The following LRRC43 variants were observed in gnomAD, a reference collection of about 807,000 sequenced individuals.
LRRC43 encodes the protein leucine-rich repeat-containing protein 43.
In LRRC43, 62 loss-of-function variants were observed where a neutral mutation model predicts 64.3. The observed-to-expected ratio is 0.96, with a 90% CI of 0.79 to 1.19. LRRC43 has a LOEUF of 1.19. LRRC43 is among the 50% of genes most tolerant of loss of function. The pLI is 0.00. For synonymous variants in LRRC43, 422 were observed against 382.3 expected, an observed-to-expected ratio of 1.10 and a Z score of -1.21; for missense variants, 868 against 845.0, an observed-to-expected ratio of 1.03 and a Z score of -0.34.
In LRRC43 at chr12:122,200,968, T is replaced by G. The variant is rs1247123662; in HGVS notation, c.1809+34T>G. The G allele has an allele frequency of 1.9e-6, 3 of 1,549,242 alleles. No homozygotes were observed. The highest frequency in any genetic ancestry group is 2.6e-6 in the Non-Finnish European group (3 of 1,149,632). On this transcript the variant is annotated intron_variant, in intron 10 of 11. Transcript: ENST00000339777. The surrounding 1 kb of genome is among the most constrained non-coding windows in gnomAD (Gnocchi z 4.6). ...GGGCCCTAGCCACATCCTCCACCTC[T>G]GCCTTCGCCCTCCCCATGGGAACCC...
chr12:122,182,713 A>T (rs1326854981), upstream of LRRC43, among the ~76,000 whole-genome samples: 1 of 152,048 alleles, frequency 6.6e-6, no homozygotes, highest in Non-Finnish European at 1.5e-5. Flanking sequence ...AATAAATAAA[A>T]AATTTAAAAA....
At position 122,195,251 on chromosome 12, in the gene LRRC43, A is replaced by G. The variant is rs576683794; in HGVS notation, c.1349+2247A>G. ...TTTTCTTTTCCCCTGCTACCCCAGA[A>G]CATTTTTTTTTTTTTGAGAGGGAGT... is the stretch of plus-strand genomic sequence containing the variant. On this transcript the variant is annotated intron_variant, in intron 7 of 11. Coordinates refer to ENST00000339777, the MANE Select transcript of LRRC43 (RefSeq NM_001098519.2). Among the ~76,000 whole-genome samples the G allele has an allele frequency of 4.0e-5, 6 of 151,336 alleles. No individual in the cohort carries two copies. The South Asian group carries it at 1.3e-3, about 32-fold the overall frequency.
At chr12:122,196,516 C>G (rs1953774152) in intron 7 of LRRC43, among the ~76,000 whole-genome samples, 1 of 152,148 alleles carries the variant, frequency 6.6e-6, no homozygotes, top group Admixed American at 6.6e-5. Flanking sequence ...GCCTGTAATC[C>G]CAGCAGTTTG....
Position 122,191,456 on chromosome 12 carries a change from C to G in LRRC43, c.978C>G (p.Asp326Glu), listed in dbSNP as rs1378728255. Reference protein sequence around the residue: ...IRGVLDTSVLDPEPRPEGPFI... With the variant: ...IRGVLDTSVLEPEPRPEGPFI... Reference sequence around the variant, plus strand: ...GAGTCCTGGACACCTCTGTCTTAGACCCGGAACCCAGGCCCGAAGGCCCTT... The same window carrying G: ...GAGTCCTGGACACCTCTGTCTTAGAGCCGGAACCCAGGCCCGAAGGCCCTT... The change falls in exon 6 of 12, where the codon GAC becomes GAG. Residue 326 changes from aspartate (D) to glutamate (E), a missense_variant. Asp to Glu is a conservative substitution (Grantham distance 45). Transcript: ENST00000339777. The G allele has an allele frequency of 6.2e-7, 1 of 1,614,126 alleles. No homozygotes were observed. Among genetic ancestry groups the G allele is most frequent in the African/African-American group, 1.3e-5 (1 of 75,030 alleles).
intron 1 of LRRC43, among the ~76,000 whole-genome samples, chr12:122,176,530 GT>G (rs1387877891): frequency 6.7e-6 from 1 of 150,052 alleles, no homozygotes; most frequent in East Asian, 1.9e-4. Context: ...TTTGTCTTTT[GT>G]TTTGTTTTTT....
chr12:122,184,894 G>C lies in LRRC43; in HGVS notation c.411+115G>C, dbSNP rs574275977. 2.8e-5 allele frequency: 34 copies of C among 1,196,692 alleles called. No individual in the cohort carries two copies. The South Asian group carries it at 3.1e-4, about 11-fold the overall frequency. 74.1% of individuals were successfully genotyped at this position (1,196,692 alleles called of 1,614,324 possible). A position where few individuals can be genotyped will look rare whatever the true frequency, so the allele number is the denominator to read the frequency against. ...GGGATCCTGCTTTCAGGGCTGAAAC[G>C]AAGGCCAGCCTGCCCTCCATCTGCT... On this transcript the variant is annotated intron_variant, in intron 2 of 11. Coordinates refer to ENST00000339777, the MANE Select transcript of LRRC43 (RefSeq NM_001098519.2). The surrounding 1 kb of genome is among the most constrained non-coding windows in gnomAD (Gnocchi z 4.0).
intron 2 of LRRC43, among the ~76,000 whole-genome samples, chr12:122,185,009 C>T (rs1218143627): frequency 1.3e-5 from 2 of 152,226 alleles, no homozygotes; most frequent in Non-Finnish European, 2.9e-5. Context: ...CATCATGGCA[C>T]AGCTTCCACC....
At chr12:122,169,715 CAAAAAA>C (rs1156784202) in intron 1 of LRRC43, among the ~76,000 whole-genome samples, 5 of 49,424 alleles carry the variant, frequency 1.0e-4, no homozygotes, top group Non-Finnish European at 2.2e-4. Context: ...GACTCCGTCT[CAAAAAA>C]AAAAAAAAAA....
Position 122,200,156 on chromosome 12 carries a change from C to CG in LRRC43, c.1350-31dup. On this transcript the variant is annotated intron_variant, in intron 7 of 11. Transcript: ENST00000339777. This position sits in a 1 kb window ranked among gnomAD's most constrained non-coding sequence, Gnocchi z 4.6. Reference sequence around the variant, plus strand: ...GTCCCTGGCCACAGCCCCTGGGTGACGGCACCCCCGTCTTCATCCCTCCCT... The same window carrying CG: ...GTCCCTGGCCACAGCCCCTGGGTGACGGGCACCCCCGTCTTCATCCCTCCCT... The CG allele has an allele frequency of 6.2e-7, 1 of 1,604,060 alleles. No individual in the cohort carries two copies. The highest frequency in any genetic ancestry group is 8.5e-7 in the Non-Finnish European group (1 of 1,174,740).
Position 122,203,327 on chromosome 12 carries a change from C to G in LRRC43, c.1856C>G (p.Ala619Gly). Reference protein sequence around the residue: ...KKVAKKEKPKAVIPIYEGDYH... With the variant: ...KKVAKKEKPKGVIPIYEGDYH... The stretch of plus-strand genomic sequence containing the variant: ...TAAATTTTCTCAGAAAAGCCGAAAG[C>G]CGTGATTCCGATCTACGAAGGCGAT... Residue 619 changes from alanine (A) to glycine (G), a missense_variant, in exon 12 of 12, where the codon GCC becomes GGC. Physicochemically the swap from Ala to Gly is moderately conservative, Grantham distance 60. Transcript: ENST00000339777. The G allele has an allele frequency of 6.2e-7, 1 of 1,612,620 alleles. No individual in the cohort carries two copies. The highest frequency in any genetic ancestry group is 1.1e-5 in the South Asian group (1 of 90,990).
chr12:122,190,465 T>G lies in LRRC43; in HGVS notation c.901+97T>G, dbSNP rs1953705667. On this transcript the variant is annotated intron_variant, in intron 5 of 11. Transcript: ENST00000339777. ...CCTGGGTCCGTGTACCCGTCTGTCC[T>G]GCAACTCCCCATTTGACCCAGACCC... 5.4e-6 allele frequency: 5 copies of G among 925,252 alleles called. No homozygotes were observed. In the South Asian group the frequency reaches 7.5e-5, roughly 14 times the overall value. 57.3% of individuals were successfully genotyped at this position (925,252 alleles called of 1,614,324 possible).
Position 122,192,775 on chromosome 12 carries a change from T to C in LRRC43, c.1120T>C (p.Leu374=), listed in dbSNP as rs1207982764. 5 of 1,614,076 alleles carry C rather than the reference T, an allele frequency of 3.1e-6. No homozygotes were observed. The highest frequency in any genetic ancestry group is 4.2e-6 in the Non-Finnish European group (5 of 1,179,956). The part of the protein sequence containing the change: ...IVKPSPSLEL[L]VEESPEEVVE... ...CAAGCCCTCTCCCAGCTTAGAATTATTAGTTGAGGAATCTCCTGAAGAGGT... is the reference window on the plus strand; with the variant it reads ...CAAGCCCTCTCCCAGCTTAGAATTACTAGTTGAGGAATCTCCTGAAGAGGT... Residue 374 remains leucine, a synonymous_variant, in exon 7 of 12, where the codon TTA becomes CTA. Coordinates refer to ENST00000339777, the MANE Select transcript of LRRC43 (RefSeq NM_001098519.2).
intron 1 of LRRC43, chr12:122,173,792 T>C (rs745959149): frequency 1.0e-5 from 16 of 1,543,802 alleles, no homozygotes; most frequent in South Asian, 7.0e-5. Flanking sequence ...TGGAGGGCAA[T>C]GGAAGGCATT....
At chr12:122,188,025 C>G in intron 4 of LRRC43, 185 bp downstream of exon 4, 3 of 595,382 alleles carry the variant, frequency 5.0e-6, no homozygotes, top group South Asian at 4.6e-5. Flanking sequence ...ACAAAAAGCC[C>G]GGGGAAGGAG....
At chr12:122,170,210 C>T (rs1032702358) in intron 1 of LRRC43, among the ~76,000 whole-genome samples, 2 of 152,118 alleles carry the variant, frequency 1.3e-5, no homozygotes, top group East Asian at 1.9e-4. Flanking sequence ...GATAATTTTT[C>T]TAATATGTGT....
At chr12:122,174,227 G>C in intron 1 of LRRC43, 2 of 1,608,258 alleles carry the variant, frequency 1.2e-6, no homozygotes, top group South Asian at 2.2e-5. Flanking sequence ...AGATGTGTTC[G>C]CCATGGCTGC....
upstream of LRRC43, among the ~76,000 whole-genome samples, chr12:122,179,969 CAAA>C (rs59930172): frequency 8.6e-5 from 4 of 46,660 alleles, no homozygotes; most frequent in Admixed American, 2.1e-4. Flanking sequence ...GACTCCGTCT[CAAA>C]AAAAAAAAAA....
upstream of LRRC43, among the ~76,000 whole-genome samples, chr12:122,179,567 A>G (rs1191070781): frequency 6.6e-6 from 1 of 152,166 alleles, no homozygotes; most frequent in Non-Finnish European, 1.5e-5. Flanking sequence ...TAAGCCAGTA[A>G]GAGATGAGCA....
At chr12:122,201,743 TGGGA>T (rs1429264239) in intron 11 of LRRC43, among the ~76,000 whole-genome samples, 1 of 152,010 alleles carries the variant, frequency 6.6e-6, no homozygotes, top group Non-Finnish European at 1.5e-5. Flanking sequence ...AACAACCAAC[TGGGA>T]GGGAGAGAAA....
Sources: allele counts gnomAD v4.1 joint callset (sites outside exome capture counted in the v4.1 genomes callset), GRCh38; gene constraint gnomAD v4.1.1; non-coding constraint Gnocchi (gnomAD v3.1); transcripts MANE v1.5; gene names NCBI Gene and HGNC (gene_info 2026-07-23, HGNC 2026-07-21).